Variants in TMCC1 observed in about 807,000 individuals in gnomAD.
TMCC1 encodes the protein transmembrane and coiled-coil domain family 1.
A neutral mutation model predicts 52.4 loss-of-function variants in TMCC1; 15 were observed. The observed-to-expected ratio is 0.29, with a 90% CI of 0.19 to 0.44. The LOEUF is 0.44. TMCC1 is among the 20% of genes least tolerant of loss of function. The pLI, the probability that TMCC1 is intolerant of heterozygous loss-of-function variation, is 1.00. For synonymous variants in TMCC1, 279 were observed against 301.9 expected (o/e 0.92, Z 0.79); for missense variants, 503 against 806.0 (o/e 0.62, Z 4.55).
At chr3:129,854,560 T>C (rs929188113) in intron 2 of TMCC1, among the ~76,000 whole-genome samples, 8 of 151,968 alleles carry the variant, frequency 5.3e-5, no homozygotes, top group African/African-American at 1.9e-4. Context: ...ACCATGATCT[T>C]TTTCTCTCTA....
chr3:129,719,581 G>A (rs1162511857), intron 4 of TMCC1, among the ~76,000 whole-genome samples: 1 of 152,156 alleles, frequency 6.6e-6, no homozygotes, highest in Admixed American at 6.5e-5. Flanking sequence ...CTCAACTAGT[G>A]TAATCTAATA....
chr3:129,778,214 G>A (rs190155143), intron 4 of TMCC1, among the ~76,000 whole-genome samples: 7 of 152,214 alleles, frequency 4.6e-5, no homozygotes, highest in Admixed American at 3.9e-4. Context: ...TGTTCTAAAT[G>A]CAAAATACAG....
intron 4 of TMCC1, among the ~76,000 whole-genome samples, chr3:129,704,372 G>A (rs1042352898): frequency 6.6e-6 from 1 of 152,124 alleles, no homozygotes; most frequent in African/African-American, 2.4e-5. Context: ...GTATTCATAT[G>A]CTCTTTGGCC....
chr3:129,781,856 A>C (rs1425391043), intron 4 of TMCC1, among the ~76,000 whole-genome samples: 1 of 152,192 alleles, frequency 6.6e-6, no homozygotes, highest in Non-Finnish European at 1.5e-5. Flanking sequence ...AATACAATAA[A>C]ACAGAAGAAA....
At chr3:129,653,422 T>A (rs1038479253) in intron 6 of TMCC1, among the ~76,000 whole-genome samples, 1 of 152,218 alleles carries the variant, frequency 6.6e-6, no homozygotes, top group African/African-American at 2.4e-5. Flanking sequence ...GCCCACACAC[T>A]AGACCAAACA....
intron 4 of TMCC1, among the ~76,000 whole-genome samples, chr3:129,694,101 T>G (rs1224830759): frequency 6.6e-6 from 1 of 152,238 alleles, no homozygotes; most frequent in African/African-American, 2.4e-5. Context: ...TAGAAAATAC[T>G]GGGGACTTGA....
Position 129,828,013 on chromosome 3 carries a change from A to G in TMCC1, c.366T>C (p.His122=). The change falls in exon 4 of 7, where the codon CAT becomes CAC. Residue 122 remains histidine (H), a synonymous_variant. Transcript: ENST00000393238. The surrounding 1 kb of genome is among the most constrained non-coding windows in gnomAD (Gnocchi z 4.1). ...PPKMKRGTSL[H]SRRGKPEAPK... The stretch of plus-strand genomic sequence containing the variant: ...GGGCCTCTGGCTTGCCCCGCCTACT[A>G]TGCAAGCTTGTCCCTCTCTTCATCT... 6.2e-7 allele frequency: 1 copy of G among 1,614,086 alleles called. No homozygotes were observed. Among genetic ancestry groups the G allele is most frequent in the Non-Finnish European group, 8.5e-7 (1 of 1,180,000 alleles).
intron 4 of TMCC1, among the ~76,000 whole-genome samples, chr3:129,812,600 C>G (rs544562402): frequency 6.6e-6 from 1 of 151,754 alleles, no homozygotes; most frequent in Non-Finnish European, 1.5e-5. Flanking sequence ...TACCCGACCT[C>G]GCCCCAAAAA....
At chr3:129,819,229 T>C (rs932589104) in intron 4 of TMCC1, among the ~76,000 whole-genome samples, 1 of 152,062 alleles carries the variant, frequency 6.6e-6, no homozygotes, top group Non-Finnish European at 1.5e-5. Context: ...ATTACAGGTG[T>C]GCACCACCAT....
chr3:129,764,019 T>TA (rs1465650341), intron 4 of TMCC1, among the ~76,000 whole-genome samples: 11 of 152,176 alleles, frequency 7.2e-5, no homozygotes, highest in Admixed American at 2.6e-4. Flanking sequence ...TTCATAAACT[T>TA]AAGACTATAG....
At chr3:129,814,255 G>A (rs558928085) in intron 4 of TMCC1, among the ~76,000 whole-genome samples, 5 of 152,246 alleles carry the variant, frequency 3.3e-5, no homozygotes, top group African/African-American at 1.2e-4. Context: ...TTAATTTTAA[G>A]TATTCATCCT....
At chr3:129,685,652 T>C (rs1169598080) in intron 4 of TMCC1, among the ~76,000 whole-genome samples, 1 of 152,158 alleles carries the variant, frequency 6.6e-6, no homozygotes, top group Non-Finnish European at 1.5e-5. Context: ...GCTGCCAAGG[T>C]AGGTCTAAAC....
intron 4 of TMCC1, among the ~76,000 whole-genome samples, chr3:129,826,931 T>A (rs1362310501): frequency 1.3e-5 from 2 of 152,174 alleles, no homozygotes; most frequent in Admixed American, 6.5e-5. Flanking sequence ...CAGTGTGGCT[T>A]GCATATCTGT....
intron 4 of TMCC1, among the ~76,000 whole-genome samples, chr3:129,682,572 T>C (rs2089082747): frequency 6.6e-6 from 1 of 152,144 alleles, no homozygotes; most frequent in South Asian, 2.1e-4. Flanking sequence ...TTAACTGTGA[T>C]ACCCTCTCCA....
At chr3:129,677,081 T>C (rs1007127325) in intron 4 of TMCC1, among the ~76,000 whole-genome samples, 2 of 150,626 alleles carry the variant, frequency 1.3e-5, no homozygotes, top group Non-Finnish European at 2.9e-5. Flanking sequence ...CTGGGCAACA[T>C]GCCGAAACCC....
intron 4 of TMCC1, among the ~76,000 whole-genome samples, chr3:129,804,865 C>T (rs1247952959): frequency 6.6e-6 from 1 of 152,156 alleles, no homozygotes; most frequent in African/African-American, 2.4e-5. Context: ...TTTACCTCAT[C>T]CTTTTCTCCT....
chr3:129,851,185 A>G (rs2059902540), intron 2 of TMCC1, among the ~76,000 whole-genome samples: 2 of 148,682 alleles, frequency 1.3e-5, no homozygotes, highest in African/African-American at 2.5e-5. Flanking sequence ...ACACAGCCAG[A>G]GTCATCCAAA....
intron 4 of TMCC1, among the ~76,000 whole-genome samples, chr3:129,766,467 C>T (rs2107691243): frequency 6.6e-6 from 1 of 152,164 alleles, no homozygotes; most frequent in Admixed American, 6.5e-5. Context: ...TAAACTAAAC[C>T]CTAATGCAAG....
chr3:129,751,317 G>T (rs1184920909), intron 4 of TMCC1, among the ~76,000 whole-genome samples: 1 of 152,056 alleles, frequency 6.6e-6, no homozygotes, highest in Non-Finnish European at 1.5e-5. Context: ...ACCACCTGAG[G>T]CCAGGAATTC....
Sources: gnomAD v4.1 joint callset for allele counts (sites outside exome capture counted in the v4.1 genomes callset) on GRCh38, gnomAD v4.1.1 for gene constraint, Gnocchi (gnomAD v3.1) non-coding constraint, MANE v1.5 for transcripts, NCBI Gene and HGNC (gene_info 2026-07-23, HGNC 2026-07-21) for gene names.